The following ZNF701 variants were observed in gnomAD, a reference collection of about 807,000 sequenced individuals.
ZNF701 encodes the protein zinc finger protein 701.
Under a neutral mutation model 7.1 loss-of-function variants are expected in ZNF701, and 6 were observed. The ratio of observed to expected loss-of-function variants is 0.84; its 90% CI spans 0.46 to 1.66. The LOEUF (loss-of-function observed/expected upper bound fraction) is 1.66, where lower values mean the gene tolerates loss of function less well. Among genes scored for constraint, ZNF701 ranks in the 40% most tolerant of loss-of-function variants. The pLI is 0.01. For missense variants in ZNF701, 541 were observed against 559.2 expected, an observed-to-expected ratio of 0.97 and a Z score of 0.33; for synonymous variants, 166 against 188.2, an observed-to-expected ratio of 0.88 and a Z score of 0.97.
intron 3 of ZNF701, among the ~76,000 whole-genome samples, chr19:52,576,937 T>A (rs368785211): frequency 6.6e-6 from 1 of 152,278 alleles, no homozygotes; most frequent in South Asian, 2.1e-4. Context: ...TAGGTGTAAA[T>A]GCAGGTAAGA....
chr19:52,582,789 A>C lies in ZNF701; in HGVS notation c.730A>C (p.Lys244Gln). 1 of 1,614,222 alleles carries C rather than the reference A, an allele frequency of 6.2e-7. No homozygotes were observed. The highest frequency in any genetic ancestry group is 2.2e-5 in the East Asian group (1 of 44,888). Residue 244 changes from lysine (K) to glutamine (Q), a missense_variant, in exon 4 of 4, where the codon AAA becomes CAA. Lys to Gln is a moderately conservative substitution (Grantham distance 53, BLOSUM62 1). Transcript: ENST00000391785. ...QIIHLGDKQY[K>Q]CDVCGKDFHQ... ...AATCCATTTAGGAGACAAACAGTATAAATGTGATGTATGCGGCAAGGACTT... is the reference window on the plus strand; with the variant it reads ...AATCCATTTAGGAGACAAACAGTATCAATGTGATGTATGCGGCAAGGACTT...
chr19:52,578,943 A>G (rs2059956685), intron 3 of ZNF701, among the ~76,000 whole-genome samples: 1 of 150,512 alleles, frequency 6.6e-6, no homozygotes, highest in Admixed American at 6.6e-5. Context: ...TATTTTTATT[A>G]GAGACAGGGT....
chr19:52,591,462 T>C (rs546814624), downstream of ZNF701, among the ~76,000 whole-genome samples: 2 of 152,302 alleles, frequency 1.3e-5, no homozygotes, highest in East Asian at 3.9e-4. Flanking sequence ...ATTACAGGTG[T>C]GAGCCCCAAT....
At chr19:52,597,663 G>A in the ZNF701 span, 1 of 331,340 alleles carries the variant, frequency 3.0e-6, no homozygotes, top group Non-Finnish European at 5.9e-6. Context: ...TGGCCGTTGG[G>A]GTGGGACCTG....
At chr19:52,591,447 A>C (rs528603853), downstream of ZNF701, among the ~76,000 whole-genome samples, 2 of 152,108 alleles carry the variant, frequency 1.3e-5, no homozygotes, top group South Asian at 4.2e-4. Flanking sequence ...TCCCAAAGTG[A>C]TGGGATTACA....
the ZNF701 span, chr19:52,598,149 T>G: frequency 6.6e-6 from 1 of 152,152 alleles, no homozygotes; most frequent in Non-Finnish European, 1.5e-5. Context: ...TTTCACTGTG[T>G]TAGCCAGGAT....
chr19:52,599,693 T>G, the ZNF701 span, among the ~76,000 whole-genome samples: 1 of 152,164 alleles, frequency 6.6e-6, no homozygotes, highest in Non-Finnish European at 1.5e-5. Flanking sequence ...TCCCATTCAT[T>G]TAGAGTTGAT....
chr19:52,593,221 T>TC, the ZNF701 span, among the ~76,000 whole-genome samples: 1 of 118,564 alleles, frequency 8.4e-6, no homozygotes, highest in Non-Finnish European at 1.8e-5. Context: ...CTCAATCTTT[T>TC]CCCCACCTTT....
rs1212527807 is a variant in ZNF701 at position 52,582,769 on chromosome 19, A to C, written c.710A>C (p.His237Pro). 6.2e-7 allele frequency: 1 copy of C among 1,614,210 alleles called. No homozygotes were observed. Among genetic ancestry groups the C allele is most frequent in the East Asian group, 2.2e-5 (1 of 44,882 alleles). ...SSLLKKHQII[H>P]LGDKQYKCDV... is the part of the protein sequence containing the mutation. ...CTCTTAAAAAAACATCAGATAATCCATTTAGGAGACAAACAGTATAAATGT... is the reference window on the plus strand; with the variant it reads ...CTCTTAAAAAAACATCAGATAATCCCTTTAGGAGACAAACAGTATAAATGT... The change falls in exon 4 of 4, where the codon CAT becomes CCT. Residue 237 changes from histidine (H) to proline (P), a missense_variant. By Grantham distance (77) the His-to-Pro change is moderately conservative (BLOSUM62 -2). Transcript: ENST00000391785.
At chr19:52,581,549 G>C (rs1248504549) in intron 3 of ZNF701, among the ~76,000 whole-genome samples, 1 of 152,168 alleles carries the variant, frequency 6.6e-6, no homozygotes, top group Middle Eastern at 3.2e-3. Flanking sequence ...GTCTCACTTT[G>C]TCACCCAGGC....
intron 1 of ZNF701, chr19:52,570,912 A>G (rs774793757): frequency 2.0e-5 from 3 of 152,232 alleles, no homozygotes; most frequent in Non-Finnish European, 4.4e-5. Flanking sequence ...CCTAGCTCCA[A>G]CCCCTGAAAA....
At position 52,586,795 on chromosome 19, in the gene ZNF701, G is replaced by A. The variant is rs1328774348; in HGVS notation, c.*3338G>A. ...AATGATGGGCACAATGGAGTGTGTG[G>A]CTTTTCCTGTAGGACAGGGAGGTAT... On this transcript the variant is annotated 3_prime_UTR_variant, in exon 4 of 4. Transcript: ENST00000391785. 1.3e-5 allele frequency: 2 copies of A among 152,134 alleles called. No homozygotes were observed. Among genetic ancestry groups the A allele is most frequent in the African/African-American group, 4.8e-5 (2 of 41,424 alleles). 9.4% of individuals were successfully genotyped at this position (152,134 alleles called of 1,614,324 possible). A position where few individuals can be genotyped will look rare whatever the true frequency, so the allele number is the denominator to read the frequency against.
Position 52,584,281 on chromosome 19 carries a change from G to A in ZNF701, c.*824G>A, listed in dbSNP as rs2059995187. On this transcript the variant is annotated 3_prime_UTR_variant, in exon 4 of 4. Transcript: ENST00000391785. The stretch of plus-strand genomic sequence containing the variant: ...TTCAGAATTGACTTGAGTTTGAGTT[G>A]ACTTAAAACATTCAGTTGAAGCATT... The A allele has an allele frequency of 9.1e-6, 2 of 219,754 alleles. No individual in the cohort carries two copies. Among genetic ancestry groups the A allele is most frequent in the Non-Finnish European group, 1.9e-5 (2 of 107,286 alleles). The allele number at this position is 219,754 out of a possible 1,614,324, so 13.6% of individuals were successfully genotyped here. A position where few individuals can be genotyped will look rare whatever the true frequency, so the allele number is the denominator to read the frequency against.
intron 1 of ZNF701, among the ~76,000 whole-genome samples, chr19:52,573,836 G>A (rs933507783): frequency 4.6e-5 from 7 of 152,362 alleles, no homozygotes; most frequent in South Asian, 4.1e-4. Flanking sequence ...GATTTGGTCA[G>A]GGCTGGGTCT....
downstream of ZNF701, chr19:52,591,966 C>CA: frequency 2.1e-6 from 1 of 476,408 alleles, no homozygotes; most frequent in South Asian, 3.2e-5. Flanking sequence ...AAAAACTGTT[C>CA]AAAAATACCT....
At chr19:52,577,933 A>G (rs2059946519) in intron 3 of ZNF701, among the ~76,000 whole-genome samples, 2 of 152,082 alleles carry the variant, frequency 1.3e-5, no homozygotes, top group African/African-American at 2.4e-5. Flanking sequence ...GGTAGAAGGA[A>G]TAGTGAAAGT....
chr19:52,586,515 A>G lies in ZNF701; in HGVS notation c.*3058A>G, dbSNP rs2060012951. On this transcript the variant is annotated 3_prime_UTR_variant, in exon 4 of 4. Coordinates refer to ENST00000391785, the MANE Select transcript of ZNF701 (RefSeq NM_018260.3). ...ACTGATCCGCTTGCTTTGGCCTTCC[A>G]AAGTGCTAGGATTACAGGAGTGAGC... 6.6e-6 allele frequency: 1 copy of G among 152,110 alleles called. No individual in the cohort carries two copies. The highest frequency in any genetic ancestry group is 2.4e-5 in the African/African-American group (1 of 41,412). 9.4% of individuals were successfully genotyped at this position (152,110 alleles called of 1,614,324 possible).
downstream of ZNF701, among the ~76,000 whole-genome samples, chr19:52,591,765 T>C (rs1164846081): frequency 1.3e-5 from 2 of 152,146 alleles, no homozygotes; most frequent in Non-Finnish European, 2.9e-5. Context: ...CATGTTACCC[T>C]GGATGGTCTC....
chr19:52,583,850 AATCCAT>A lies in ZNF701; in HGVS notation c.*395_*400del, dbSNP rs1226656739. On this transcript the variant is annotated 3_prime_UTR_variant, in exon 4 of 4. Coordinates refer to ENST00000391785, the MANE Select transcript of ZNF701 (RefSeq NM_018260.3). ...TTACAGCCATTGCAAAACATTGGAG[AATCCAT>A]AATGAAGGAGGTCTTACAAGTGTAA... The A allele has an allele frequency of 1.2e-5, 6 of 517,918 alleles. No homozygotes were observed. The highest frequency in any genetic ancestry group is 1.8e-5 in the Non-Finnish European group (5 of 270,502). 32.1% of individuals were successfully genotyped at this position (517,918 alleles called of 1,614,324 possible).
Sources: allele counts gnomAD v4.1 joint callset (sites outside exome capture counted in the v4.1 genomes callset), GRCh38; gene constraint gnomAD v4.1.1; transcripts MANE v1.5; gene names NCBI Gene and HGNC (gene_info 2026-07-23, HGNC 2026-07-21).